Variants in ZNF804B observed in about 807,000 individuals in gnomAD.
ZNF804B encodes zinc finger 804B.
In ZNF804B, 80 loss-of-function variants were observed where a neutral mutation model predicts 101.4. The observed-to-expected ratio is 0.79, with a 90% CI of 0.66 to 0.95. ZNF804B has a LOEUF of 0.95. ZNF804B is among the 40% of genes least tolerant of loss of function. The pLI, the probability that ZNF804B is intolerant of heterozygous loss-of-function variation, is 0.00. For missense variants in ZNF804B, 1,673 were observed against 1,561.9 expected (o/e 1.07, Z -1.20); for synonymous variants, 622 against 558.8 (o/e 1.11, Z -1.59).
chr7:88,785,170 G>A (rs765887730), intron 1 of ZNF804B, among the ~76,000 whole-genome samples: 19 of 152,072 alleles, frequency 1.2e-4, no homozygotes, highest in Non-Finnish European at 2.4e-4. Flanking sequence ...TGTTCAAAAC[G>A]ACAAACCTCA....
chr7:88,794,850 C>T, intron 1 of ZNF804B: 1 of 1,613,582 alleles, frequency 6.2e-7, no homozygotes, highest in South Asian at 1.1e-5. Context: ...CTTGAAAGTG[C>T]AGGTAATTGC....
chr7:89,333,302 A>T (rs1296573106), intron 3 of ZNF804B, 61 bp from the exon 4 acceptor site: 2 of 1,399,780 alleles, frequency 1.4e-6, no homozygotes, highest in Non-Finnish European at 1.9e-6. Flanking sequence ...TGAAATGTTC[A>T]TATGTAGATA....
chr7:89,320,904 A>G (rs1031553501), intron 2 of ZNF804B, among the ~76,000 whole-genome samples: 7 of 152,148 alleles, frequency 4.6e-5, no homozygotes, highest in Admixed American at 4.6e-4. Flanking sequence ...TATCCAAAAA[A>G]TATGTTTCCT....
At chr7:88,972,666 T>A (rs1483887478) in intron 1 of ZNF804B, among the ~76,000 whole-genome samples, 2 of 151,390 alleles carry the variant, frequency 1.3e-5, no homozygotes, top group Non-Finnish European at 1.5e-5. Flanking sequence ...ATTGAAATTT[T>A]TATCATCTTT....
At chr7:89,331,157 G>C (rs1433533339) in intron 3 of ZNF804B, among the ~76,000 whole-genome samples, 1 of 151,516 alleles carries the variant, frequency 6.6e-6, no homozygotes, top group African/African-American at 2.4e-5. Flanking sequence ...GAAGCTTCTG[G>C]AGAAGATTAA....
chr7:89,033,784 A>G (rs1053210209), intron 1 of ZNF804B, among the ~76,000 whole-genome samples: 1 of 152,136 alleles, frequency 6.6e-6, no homozygotes, highest in Non-Finnish European at 1.5e-5. Flanking sequence ...TAAATTTAAG[A>G]ATTTAAAGAA....
At chr7:89,325,351 T>C (rs1790881780) in intron 2 of ZNF804B, among the ~76,000 whole-genome samples, 1 of 152,064 alleles carries the variant, frequency 6.6e-6, no homozygotes, top group African/African-American at 2.4e-5. Flanking sequence ...TAACTATTCC[T>C]GTATATTTCC....
chr7:88,800,030 C>G (rs967997020), intron 1 of ZNF804B, among the ~76,000 whole-genome samples: 11 of 151,998 alleles, frequency 7.2e-5, no homozygotes, highest in African/African-American at 2.7e-4. Flanking sequence ...CTCACCTGTG[C>G]TCAGGTCCTA....
intron 1 of ZNF804B, among the ~76,000 whole-genome samples, chr7:89,080,597 G>C (rs1789682328): frequency 6.6e-6 from 1 of 151,872 alleles, no homozygotes; most frequent in African/African-American, 2.4e-5. Flanking sequence ...TCATAATTGA[G>C]CCTTTTATCC....
At position 88,917,335 on chromosome 7, in the gene ZNF804B, ATTGT is replaced by A. The variant is rs1394201827; in HGVS notation, c.108+157255_108+157258del. On this transcript the variant is annotated intron_variant, in intron 1 of 3. Coordinates refer to ENST00000333190, the MANE Select transcript of ZNF804B (RefSeq NM_181646.5). ...GAACCATGTTGAATGTAATAGTGTCATTGTTTGGTTGGAACATGTTAAAATGTTA... is the reference window on the plus strand; with the variant it reads ...GAACCATGTTGAATGTAATAGTGTCATTGGTTGGAACATGTTAAAATGTTA... 9.8e-5 allele frequency among the ~76,000 whole-genome samples: 15 copies of A among 152,298 alleles called. No homozygotes were observed. The East Asian group carries it at 1.5e-3, about 16-fold the overall frequency.
intron 1 of ZNF804B, among the ~76,000 whole-genome samples, chr7:89,050,060 A>T (rs1789171806): frequency 6.6e-6 from 1 of 152,164 alleles, no homozygotes; most frequent in Non-Finnish European, 1.5e-5. Flanking sequence ...AGTAGATGGA[A>T]AAAGAAATAG....
intron 1 of ZNF804B, among the ~76,000 whole-genome samples, chr7:89,155,126 C>G (rs1464303930): frequency 6.6e-6 from 1 of 152,086 alleles, no homozygotes; most frequent in Non-Finnish European, 1.5e-5. Flanking sequence ...CACCCTGATG[C>G]TTTCAAAAAC....
intron 1 of ZNF804B, among the ~76,000 whole-genome samples, chr7:89,096,435 G>A (rs994084051): frequency 6.6e-6 from 1 of 152,148 alleles, no homozygotes; most frequent in African/African-American, 2.4e-5. Flanking sequence ...TGATGTGACT[G>A]ATGATTCTTA....
intron 1 of ZNF804B, among the ~76,000 whole-genome samples, chr7:89,196,372 A>G (rs999918607): frequency 7.9e-5 from 12 of 152,162 alleles, no homozygotes; most frequent in African/African-American, 2.9e-4. Flanking sequence ...GTGATAAGCA[A>G]TAGGGAAAGG....
chr7:88,941,566 A>G (rs1266398398), intron 1 of ZNF804B, among the ~76,000 whole-genome samples: 1 of 152,038 alleles, frequency 6.6e-6, no homozygotes, highest in Non-Finnish European at 1.5e-5. Context: ...AGGAAAAATT[A>G]TGGAGACAGT....
chr7:89,072,710 A>T (rs539594520), intron 1 of ZNF804B, among the ~76,000 whole-genome samples: 3 of 152,302 alleles, frequency 2.0e-5, no homozygotes, highest in South Asian at 4.1e-4. Context: ...CCAGGAAGAC[A>T]ACAGAGAATA....
At chr7:89,167,467 A>AAATAAATAAATAAATT (rs371610618) in intron 1 of ZNF804B, among the ~76,000 whole-genome samples, 23,974 of 151,238 alleles carry the variant, frequency 0.16, 2,088 homozygotes, top group Middle Eastern at 0.27. Context: ...ATAAATAAAT[A>AAATAAATAAATAAATT]AATAATCCCT....
rs1789867493 is a variant in ZNF804B, at chr7:88,759,975, A to T, written c.-2A>T. On this transcript the variant is annotated 5_prime_UTR_variant, in exon 1 of 4. Transcript: ENST00000333190. ...AGACTCTGCGCCTCCGCCCGGACCC[A>T]CATGGCTTGTTACCTGGTCATCAGT... The T allele has an allele frequency of 1.2e-6, 2 of 1,613,926 alleles. No individual in the cohort carries two copies. Among genetic ancestry groups the T allele is most frequent in the African/African-American group, 1.3e-5 (1 of 74,930 alleles).
chr7:88,771,052 A>C (rs1790053883), intron 1 of ZNF804B, among the ~76,000 whole-genome samples: 1 of 152,172 alleles, frequency 6.6e-6, no homozygotes, highest in Non-Finnish European at 1.5e-5. Flanking sequence ...ATATATTAAA[A>C]ATACTGTTCA....
Sources: allele counts gnomAD v4.1 joint callset (sites outside exome capture counted in the v4.1 genomes callset), GRCh38; gene constraint gnomAD v4.1.1; transcripts MANE v1.5; gene names NCBI Gene and HGNC (gene_info 2026-07-23, HGNC 2026-07-21).